ZFHX3: variants seen among roughly 807,000 people sequenced by gnomAD.
The protein encoded by ZFHX3 is zinc finger homeobox 3.
Under a neutral mutation model 279.1 loss-of-function variants are expected in ZFHX3, and 42 were observed. The ratio of observed to expected loss-of-function variants is 0.15; its 90% CI spans 0.12 to 0.19. The LOEUF is 0.19. ZFHX3 is among the 10% of genes least tolerant of loss of function. The pLI is 1.00. For synonymous variants in ZFHX3, 2,293 were observed against 1,957.8 expected (o/e 1.17, Z -4.52); for missense variants, 4,981 against 4,754.0 (o/e 1.05, Z -1.40).
intron 1 of ZFHX3, among the ~76,000 whole-genome samples, chr16:73,890,352 C>G (rs1316219289): frequency 6.6e-6 from 1 of 152,030 alleles, no homozygotes; most frequent in East Asian, 1.9e-4. Context: ...TAGGGGGCAG[C>G]GAATGTTCCA....
exon 1 of ZFHX3, chr16:73,058,977 C>CT (rs1820078789): frequency 5.9e-6 from 1 of 170,312 alleles, no homozygotes; most frequent in African/African-American, 2.4e-5. Context: ...GCGGTGGCGG[C>CT]TGCAGCGGTC....
At chr16:73,600,992 G>A (rs1399808980) in intron 2 of ZFHX3, among the ~76,000 whole-genome samples, 3 of 139,712 alleles carry the variant, frequency 2.1e-5, no homozygotes, top group African/African-American at 5.3e-5. Context: ...AGCACCATGA[G>A]TGATAGCCTT....
intron 5 of ZFHX3, among the ~76,000 whole-genome samples, chr16:73,213,933 A>G (rs934867430): frequency 3.3e-5 from 5 of 152,238 alleles, no homozygotes; most frequent in African/African-American, 1.2e-4. Context: ...TCTGTAAGCC[A>G]TCTGCACCCT....
chr16:73,230,061 A>G (rs535500720), intron 5 of ZFHX3, among the ~76,000 whole-genome samples: 11 of 152,344 alleles, frequency 7.2e-5, no homozygotes, highest in Non-Finnish European at 1.2e-4. Context: ...ATAGACAAGG[A>G]GATGACAGAT....
intron 5 of ZFHX3, among the ~76,000 whole-genome samples, chr16:73,166,662 A>T (rs1206039167): frequency 6.6e-6 from 1 of 152,108 alleles, no homozygotes; most frequent in African/African-American, 2.4e-5. Flanking sequence ...TTTGGGGGAA[A>T]CTCAAGGAGG....
chr16:73,173,734 G>T (rs1381113318), intron 5 of ZFHX3, among the ~76,000 whole-genome samples: 2 of 152,080 alleles, frequency 1.3e-5, no homozygotes, highest in African/African-American at 4.8e-5. Flanking sequence ...ACCAGGCTCC[G>T]ACACCCAGGT....
intron 5 of ZFHX3, among the ~76,000 whole-genome samples, chr16:73,240,222 C>A (rs748748547): frequency 2.2e-4 from 32 of 148,576 alleles, no homozygotes; most frequent in Admixed American, 1.8e-3. Context: ...AGGGTATTTT[C>A]TTTTCTTTTT....
chr16:73,109,171 C>T (rs558226503), intron 7 of ZFHX3, among the ~76,000 whole-genome samples: 1 of 152,198 alleles, frequency 6.6e-6, no homozygotes, highest in African/African-American at 2.4e-5. Context: ...TTTTTCCAGA[C>T]TTTTTCCTGT....
At chr16:73,472,279 A>C (rs1228501725) in intron 2 of ZFHX3, among the ~76,000 whole-genome samples, 4 of 151,724 alleles carry the variant, frequency 2.6e-5, no homozygotes, top group East Asian at 1.9e-4. Flanking sequence ...AAAAAAAAAA[A>C]AAAAAAAACA....
chr16:73,766,289 A>G (rs921517341), intron 1 of ZFHX3, among the ~76,000 whole-genome samples: 1 of 152,186 alleles, frequency 6.6e-6, no homozygotes, highest in Non-Finnish European at 1.5e-5. Context: ...GACTCCTTGT[A>G]TCACAATTTT....
intron 5 of ZFHX3, chr16:73,232,394 A>C (rs968659278): frequency 1.3e-5 from 2 of 152,252 alleles, no homozygotes; most frequent in African/African-American, 4.8e-5. Flanking sequence ...GGGGGAAAAA[A>C]ATAACAGAAG....
intron 5 of ZFHX3, among the ~76,000 whole-genome samples, chr16:73,245,834 G>T (rs149998076): frequency 3.3e-5 from 5 of 152,144 alleles, no homozygotes; most frequent in East Asian, 1.9e-4. Flanking sequence ...AAGTGAAAGC[G>T]TAAGAGTAAG....
rs566914517 is a variant in ZFHX3 at position 72,935,663 on chromosome 16, G to T, written c.3216+14806C>A. 4.0e-5 allele frequency among the ~76,000 whole-genome samples: 6 copies of T among 151,276 alleles called. No individual in the cohort carries two copies. In the South Asian group the frequency reaches 8.4e-4, roughly 21 times the overall value. On this transcript the variant is annotated intron_variant, in intron 3 of 9. Transcript: ENST00000268489. The stretch of plus-strand genomic sequence containing the variant: ...GGCTGAGAATCGCTTGAACTCGGGA[G>T]GGGGGGGTTGCAGTGAGCTGAGATC...
intron 2 of ZFHX3, among the ~76,000 whole-genome samples, chr16:73,541,860 T>G (rs1405365403): frequency 1.4e-5 from 2 of 142,360 alleles, no homozygotes; most frequent in African/African-American, 5.3e-5. Flanking sequence ...TGGAGTGCAG[T>G]GGCACATCTA....
chr16:73,599,752 A>T (rs949444627), intron 2 of ZFHX3, among the ~76,000 whole-genome samples: 1 of 150,988 alleles, frequency 6.6e-6, no homozygotes, highest in East Asian at 2.0e-4. Context: ...AAAAACAACA[A>T]CCTAAACCTT....
intron 2 of ZFHX3, among the ~76,000 whole-genome samples, chr16:73,578,196 A>T (rs2051820802): frequency 1.3e-5 from 2 of 152,210 alleles, no homozygotes; most frequent in South Asian, 4.1e-4. Flanking sequence ...ACTGAGTTAA[A>T]CAGGTACTTC....
intron 7 of ZFHX3, among the ~76,000 whole-genome samples, chr16:73,124,935 C>T (rs1966544674): frequency 6.6e-6 from 1 of 152,136 alleles, no homozygotes; most frequent in Admixed American, 6.5e-5. Context: ...TTCCTCTTGC[C>T]TATTTTTGCC....
At chr16:73,202,633 C>T (rs1004382465) in intron 5 of ZFHX3, among the ~76,000 whole-genome samples, 8 of 152,330 alleles carry the variant, frequency 5.3e-5, no homozygotes, top group South Asian at 4.1e-4. Flanking sequence ...AGATGGACTT[C>T]GGCCCCAGTC....
intron 1 of ZFHX3, among the ~76,000 whole-genome samples, chr16:73,716,210 G>A (rs1418923284): frequency 7.8e-6 from 1 of 128,460 alleles, no homozygotes; most frequent in East Asian, 2.4e-4. Context: ...GGCTGGGAAG[G>A]AGTCATAAAC....
Sources: allele counts gnomAD v4.1 joint callset (sites outside exome capture counted in the v4.1 genomes callset), GRCh38; gene constraint gnomAD v4.1.1; transcripts MANE v1.5; gene names NCBI Gene and HGNC (gene_info 2026-07-23, HGNC 2026-07-21).